AGBL4: variants seen among roughly 807,000 people sequenced by gnomAD.
AGBL4 encodes the protein AGBL carboxypeptidase 4, also known as cytosolic carboxypeptidase 6.
Under a neutral mutation model 66.4 loss-of-function variants are expected in AGBL4, and 58 were observed. The observed-to-expected ratio is 0.87, with a 90% CI of 0.71 to 1.09. The LOEUF is 1.09. Ranked by LOEUF, AGBL4 falls within the 50% of genes least tolerant of loss-of-function variation. AGBL4 has a pLI of 0.00. For synonymous variants in AGBL4, 234 were observed against 222.9 expected, an observed-to-expected ratio of 1.05 and a Z score of -0.44; for missense variants, 579 against 631.0, an observed-to-expected ratio of 0.92 and a Z score of 0.88.
rs138671290 is a variant in AGBL4, at chr1:48,790,938, GTCTC to G, written c.634+76249_634+76252del. Among the ~76,000 whole-genome samples the G allele has an allele frequency of 2.0e-5, 3 of 151,954 alleles. No homozygotes were observed. In the East Asian group the frequency reaches 5.8e-4, roughly 29 times the overall value. On this transcript the variant is annotated intron_variant, in intron 6 of 13. Coordinates refer to ENST00000371839, the MANE Select transcript of AGBL4 (RefSeq NM_032785.4). ...CTGAAAAAAAGAAAAAAATTATTTT[GTCTC>G]TCTCTCTCATCTGTCTTGCCATGTG...
At chr1:49,109,322 C>A (rs186457608) in intron 4 of AGBL4, among the ~76,000 whole-genome samples, 1 of 152,280 alleles carries the variant, frequency 6.6e-6, no homozygotes, top group East Asian at 1.9e-4. Flanking sequence ...CACTGTCTGC[C>A]TCAACTGGAA....
intron 3 of AGBL4, among the ~76,000 whole-genome samples, chr1:49,471,517 G>A (rs948522949): frequency 5.9e-5 from 9 of 151,786 alleles, no homozygotes; most frequent in Middle Eastern, 3.2e-3. Flanking sequence ...AAAGGTGGAG[G>A]GAAGCAGCAG....
chr1:48,710,375 C>A (rs1490416852), intron 6 of AGBL4, among the ~76,000 whole-genome samples: 1 of 151,328 alleles, frequency 6.6e-6, no homozygotes, highest in Non-Finnish European at 1.5e-5. Context: ...GAGAAAGAAG[C>A]AGAGAGAAAA....
At position 49,554,709 on chromosome 1, in the gene AGBL4, C is replaced by T. The variant is rs371461141; in HGVS notation, c.282+142604G>A. Among the ~76,000 whole-genome samples, 27 of 152,302 alleles carry T rather than the reference C, an allele frequency of 1.8e-4. 1 individual carries two copies. In the East Asian group the frequency reaches 5.0e-3, roughly 28 times the overall value. On this transcript the variant is annotated intron_variant, in intron 3 of 13. Transcript: ENST00000371839. ...TCAAGAATGAAGACGCGGACCCTCG[C>T]GGTGAGTGTTACAGTTCTTAAAGAT...
rs577217719 is a variant in AGBL4, at chr1:49,651,494, G to A, written c.282+45819C>T. Among the ~76,000 whole-genome samples, 110 of 152,142 alleles carry A rather than the reference G, an allele frequency of 7.2e-4. 2 individuals are homozygous for A. The highest frequency in any genetic ancestry group is 1.2e-3 in the Non-Finnish European group (80 of 68,008). On this transcript the variant is annotated intron_variant, in intron 3 of 13. Coordinates refer to ENST00000371839, the MANE Select transcript of AGBL4 (RefSeq NM_032785.4). ...AAGACAGACGCTTCCTGAGACCTCC[G>A]CATTTCCAATCTTGCAGAAGATTGT...
At position 49,061,439 on chromosome 1, in the gene AGBL4, C is replaced by T. The variant is rs927888534; in HGVS notation, c.378-15639G>A. Among the ~76,000 whole-genome samples the T allele has an allele frequency of 2.0e-5, 3 of 152,190 alleles. 1 individual carries two copies. Among genetic ancestry groups the T allele is most frequent in the Non-Finnish European group, 4.4e-5 (3 of 68,018 alleles). Reference sequence around the variant, plus strand: ...GTGAAAAGTTATAATAATTTGATGACCTGTGGGTGCATAGGGATGGCAGGC... The same window carrying T: ...GTGAAAAGTTATAATAATTTGATGATCTGTGGGTGCATAGGGATGGCAGGC... On this transcript the variant is annotated intron_variant, in intron 4 of 13. Coordinates refer to ENST00000371839, the MANE Select transcript of AGBL4 (RefSeq NM_032785.4).
At chr1:48,854,635 T>C (rs1004577469) in intron 6 of AGBL4, among the ~76,000 whole-genome samples, 2 of 152,186 alleles carry the variant, frequency 1.3e-5, no homozygotes, top group Non-Finnish European at 1.5e-5. Context: ...GGCCCCAGTT[T>C]ATCCCCCAAT....
intron 5 of AGBL4, among the ~76,000 whole-genome samples, chr1:48,908,780 A>C (rs1652837156): frequency 6.6e-6 from 1 of 152,174 alleles, no homozygotes; most frequent in Non-Finnish European, 1.5e-5. Flanking sequence ...ACAGAGCCTT[A>C]GTCTTTCACA....
intron 3 of AGBL4, among the ~76,000 whole-genome samples, chr1:49,295,401 G>A (rs534505256): frequency 6.6e-6 from 1 of 152,278 alleles, no homozygotes; most frequent in South Asian, 2.1e-4. Context: ...CCTAAAGAAG[G>A]CTCTCTCTGA....
At chr1:49,344,589 A>G (rs567389243) in intron 3 of AGBL4, among the ~76,000 whole-genome samples, 1 of 152,204 alleles carries the variant, frequency 6.6e-6, no homozygotes, top group African/African-American at 2.4e-5. Flanking sequence ...CATAAATTGA[A>G]CATTGGAATA....
intron 1 of AGBL4, among the ~76,000 whole-genome samples, chr1:49,969,159 T>C (rs892977898): frequency 2.0e-5 from 3 of 152,196 alleles, no homozygotes; most frequent in African/African-American, 7.2e-5. Flanking sequence ...AGTTTCTTGG[T>C]TAAAATAAGA....
At chr1:49,796,456 A>C (rs1425501337) in intron 2 of AGBL4, among the ~76,000 whole-genome samples, 5 of 151,696 alleles carry the variant, frequency 3.3e-5, no homozygotes, top group Non-Finnish European at 7.4e-5. Flanking sequence ...GAAATCACTA[A>C]ATAATTCCAA....
intron 9 of AGBL4, among the ~76,000 whole-genome samples, chr1:48,628,571 A>T (rs1021506607): frequency 2.0e-5 from 3 of 152,120 alleles, no homozygotes; most frequent in African/African-American, 7.2e-5. Context: ...GCAGTGTTCA[A>T]ACCCATCCAT....
intron 6 of AGBL4, chr1:48,759,421 T>C (rs1570551346): frequency 6.6e-6 from 9 of 1,357,830 alleles, no homozygotes; most frequent in Non-Finnish European, 7.7e-6. Flanking sequence ...TGCAAACACT[T>C]AGTCAAAGCC....
intron 3 of AGBL4, among the ~76,000 whole-genome samples, chr1:49,521,149 A>G (rs1027234122): frequency 6.6e-6 from 1 of 152,066 alleles, no homozygotes; most frequent in African/African-American, 2.4e-5. Flanking sequence ...ACATTTATAC[A>G]GTACATTTAC....
chr1:49,766,491 T>C (rs555181233), intron 2 of AGBL4, among the ~76,000 whole-genome samples: 5 of 152,122 alleles, frequency 3.3e-5, no homozygotes, highest in African/African-American at 1.2e-4. Context: ...CTTAAGTACA[T>C]AGCTAACAAC....
chr1:48,605,638 A>T (rs1189004579), intron 9 of AGBL4, among the ~76,000 whole-genome samples: 1 of 152,156 alleles, frequency 6.6e-6, no homozygotes, highest in East Asian at 1.9e-4. Flanking sequence ...CTGAAATCAC[A>T]TTGTCTTCAT....
intron 11 of AGBL4, among the ~76,000 whole-genome samples, chr1:48,551,528 C>T (rs1644248609): frequency 6.6e-6 from 1 of 151,924 alleles, no homozygotes; most frequent in South Asian, 2.1e-4. Flanking sequence ...AGTTATTTAG[C>T]ATGTTAGGCC....
At chr1:48,657,893 T>C (rs1570156286) in intron 7 of AGBL4, among the ~76,000 whole-genome samples, 1 of 152,278 alleles carries the variant, frequency 6.6e-6, no homozygotes, top group South Asian at 2.1e-4. Context: ...TAAACTTACA[T>C]TGTGGTTTAA....
Sources: gnomAD v4.1 joint callset for allele counts (sites outside exome capture counted in the v4.1 genomes callset) on GRCh38, gnomAD v4.1.1 for gene constraint, MANE v1.5 for transcripts, NCBI Gene and HGNC (gene_info 2026-07-23, HGNC 2026-07-21) for gene names.